Variants in EBF3 observed in about 807,000 individuals in gnomAD.
The protein encoded by EBF3 is EBF transcription factor 3, also known as transcription factor COE3.
Under a neutral mutation model 77.1 loss-of-function variants are expected in EBF3, and 18 were observed. The observed-to-expected ratio is 0.23, with a 90% CI of 0.16 to 0.35. The LOEUF (loss-of-function observed/expected upper bound fraction) is 0.35, where lower values mean the gene tolerates loss of function less well. EBF3 is among the 10% of genes least tolerant of loss of function. The probability of loss-of-function intolerance (pLI) is 1.00; values close to 1 mark genes in which losing one functional copy is unlikely to be tolerated. For synonymous variants in EBF3, 350 were observed against 343.5 expected (o/e 1.02, Z -0.21); for missense variants, 558 against 860.0 (o/e 0.65, Z 4.39).
At position 129,897,485 on chromosome 10, in the gene EBF3, A is replaced by AG. The variant is rs1171242005; in HGVS notation, c.555-19637dup. ...CTGCAGACTGGCTCCCCCTAAATCA[A>AG]GGGGGGCCAGGCAGACCTAACAAAC... On this transcript the variant is annotated intron_variant, in intron 6 of 16. Coordinates refer to ENST00000440978, the MANE Select transcript of EBF3 (RefSeq NM_001375380.1). The surrounding 1 kb of genome is among the most constrained non-coding windows in gnomAD (Gnocchi z 4.6). 6.6e-6 allele frequency among the ~76,000 whole-genome samples: 1 copy of AG among 152,040 alleles called. No homozygotes were observed. Among genetic ancestry groups the AG allele is most frequent in the African/African-American group, 2.4e-5 (1 of 41,420 alleles).
Position 129,944,145 on chromosome 10 carries a change from T to C in EBF3, c.554+13113A>G, listed in dbSNP as rs1376912488. On this transcript the variant is annotated intron_variant, in intron 6 of 16. Coordinates refer to ENST00000440978, the MANE Select transcript of EBF3 (RefSeq NM_001375380.1). The surrounding 1 kb of genome is among the most constrained non-coding windows in gnomAD (Gnocchi z 5.1). The stretch of plus-strand genomic sequence containing the variant: ...AATCCTAAATAAAATGAGAATTTTA[T>C]TAAAGATATTTATCTTATACAACAA... Among the ~76,000 whole-genome samples the C allele has an allele frequency of 6.6e-6, 1 of 152,248 alleles. No individual in the cohort carries two copies. The highest frequency in any genetic ancestry group is 1.5e-5 in the Non-Finnish European group (1 of 68,040).
chr10:129,945,181 G>A (rs1362249522), intron 6 of EBF3, among the ~76,000 whole-genome samples: 1 of 110,870 alleles, frequency 9.0e-6, no homozygotes, highest in Non-Finnish European at 1.9e-5. Flanking sequence ...GAGTGAAGAG[G>A]AGGGGAGGGA....
rs367548550 is a variant in EBF3, at chr10:129,958,925, G to A, written c.485+9C>T. The stretch of plus-strand genomic sequence containing the variant: ...CCCGCGCCCCCGCCGCCCGCCGCCC[G>A]CCGCTCACCTGCACATGATCTCGTG... On this transcript the variant is annotated intron_variant, in intron 5 of 16. Transcript: ENST00000440978. 176 of 1,585,066 alleles carry A rather than the reference G, an allele frequency of 1.1e-4. No homozygotes were observed. Among genetic ancestry groups the A allele is most frequent in the Non-Finnish European group, 1.4e-4 (163 of 1,168,328 alleles).
At position 129,836,408 on chromosome 10, in the gene EBF3, TAAG is replaced by T. The variant is rs1374817805; in HGVS notation, c.*1532_*1534del. On this transcript the variant is annotated 3_prime_UTR_variant, in exon 17 of 17. Coordinates refer to ENST00000440978, the MANE Select transcript of EBF3 (RefSeq NM_001375380.1). The stretch of plus-strand genomic sequence containing the variant: ...CATTCTACAAAAAAATAAAATAAAA[TAAG>T]GACACAGCCCCAAACGGTGTCACCT... 3 of 152,094 alleles carry T rather than the reference TAAG, an allele frequency of 2.0e-5. No homozygotes were observed. The highest frequency in any genetic ancestry group is 7.2e-5 in the African/African-American group (3 of 41,380). 9.4% of individuals were successfully genotyped at this position (152,094 alleles called of 1,614,324 possible).
rs1857491114 is a variant in EBF3, at chr10:129,938,217, C to G, written c.554+19041G>C. On this transcript the variant is annotated intron_variant, in intron 6 of 16. Transcript: ENST00000440978. The surrounding 1 kb of genome is among the most constrained non-coding windows in gnomAD (Gnocchi z 5.1). ...CCTCTGGTACACAGACTGCTCTGTT[C>G]TAGAACGGAAATTAGTGGGTTTTTT... is the stretch of plus-strand genomic sequence containing the variant. 6.6e-6 allele frequency among the ~76,000 whole-genome samples: 1 copy of G among 151,960 alleles called. No individual in the cohort carries two copies. The highest frequency in any genetic ancestry group is 1.5e-5 in the Non-Finnish European group (1 of 68,006).
At chr10:129,855,116 C>T (rs766935446) in intron 10 of EBF3, among the ~76,000 whole-genome samples, 6 of 152,228 alleles carry the variant, frequency 3.9e-5, no homozygotes, top group African/African-American at 1.4e-4. Context: ...CCCCCCAACC[C>T]GCTCACTGCA....
rs192623721 is a variant in EBF3, at chr10:129,943,055, T to C, written c.554+14203A>G. ...GAAGGTAGCAGATACAACCGATTCC[T>C]GTCCTCCATTCTAAACCACTTTGCC... On this transcript the variant is annotated intron_variant, in intron 6 of 16. Transcript: ENST00000440978. The surrounding 1 kb of genome is among the most constrained non-coding windows in gnomAD (Gnocchi z 8.8). Among the ~76,000 whole-genome samples, 151 of 152,344 alleles carry C rather than the reference T, an allele frequency of 9.9e-4. No homozygotes were observed. The highest frequency in any genetic ancestry group is 3.4e-3 in the Middle Eastern group (1 of 294).
intron 6 of EBF3, among the ~76,000 whole-genome samples, chr10:129,925,649 T>C (rs1856619331): frequency 6.6e-6 from 1 of 150,754 alleles, no homozygotes; most frequent in Non-Finnish European, 1.5e-5. Context: ...TTACACAACA[T>C]TCTGAATGTA....
intron 4 of EBF3, among the ~76,000 whole-genome samples, chr10:129,959,261 AGGGAAGGCGCCGACTGGGCTC>A (rs1206514682): frequency 6.6e-6 from 1 of 151,986 alleles, no homozygotes; most frequent in African/African-American, 2.4e-5. Flanking sequence ...CTTCGGCTGC[AGGGAAGGCGCCGACTGGGCTC>A]GGGCCGCGGG....
intron 15 of EBF3, among the ~76,000 whole-genome samples, chr10:129,839,786 T>C (rs1334251817): frequency 1.3e-5 from 2 of 152,212 alleles, no homozygotes; most frequent in Non-Finnish European, 2.9e-5. Context: ...GCCATTCCCA[T>C]GCCAGGGCTA....
Position 129,963,891 on chromosome 10 carries a change from C to T in EBF3, c.-123G>A. 2 of 1,171,096 alleles carry T rather than the reference C, an allele frequency of 1.7e-6. No homozygotes were observed. Among genetic ancestry groups the T allele is most frequent in the Non-Finnish European group, 1.1e-6 (1 of 949,400 alleles). 72.5% of individuals were successfully genotyped at this position (1,171,096 alleles called of 1,614,324 possible). A position where few individuals can be genotyped will look rare whatever the true frequency, so the allele number is the denominator to read the frequency against. On this transcript the variant is annotated 5_prime_UTR_variant, in exon 1 of 17. Transcript: ENST00000440978. This position sits in a 1 kb window ranked among gnomAD's most constrained non-coding sequence, Gnocchi z 7.1. ...GCCCTGCTCGGCGCCTGCGGTCCGG[C>T]CCCGCCGCCGGCTTCAGCCCGTCCC...
intron 8 of EBF3, among the ~76,000 whole-genome samples, chr10:129,868,517 C>T (rs1480470499): frequency 6.6e-6 from 1 of 152,208 alleles, no homozygotes; most frequent in Non-Finnish European, 1.5e-5. Flanking sequence ...GCGCCGCTGG[C>T]GTGACCTCTC....
At chr10:129,962,358 G>C in intron 3 of EBF3, 132 bp from the exon 4 acceptor site, 1 of 734,852 alleles carries the variant, frequency 1.4e-6, no homozygotes, top group Non-Finnish European at 2.3e-6. Context: ...CAATCCCTTT[G>C]AAAGGGAGAA....
chr10:129,909,112 C>T (rs1855341702), intron 6 of EBF3, among the ~76,000 whole-genome samples: 1 of 152,184 alleles, frequency 6.6e-6, no homozygotes, highest in African/African-American at 2.4e-5. Flanking sequence ...ACTGGGATTA[C>T]TCTTCCCAGA....
At chr10:129,962,132 C>CA (rs1254165464) in intron 4 of EBF3, 39 bp downstream of exon 4, 1 of 1,611,036 alleles carries the variant, frequency 6.2e-7, no homozygotes, top group African/African-American at 1.3e-5. Context: ...AACCCAGGCC[C>CA]AGCAGTGAAA....
chr10:129,909,205 G>A (rs996629699), intron 6 of EBF3, among the ~76,000 whole-genome samples: 1 of 152,182 alleles, frequency 6.6e-6, no homozygotes, highest in African/African-American at 2.4e-5. Context: ...GGCTGCCCTG[G>A]ATGGAAGAGG....
At chr10:129,883,281 G>A (rs571919067) in intron 6 of EBF3, among the ~76,000 whole-genome samples, 1 of 152,326 alleles carries the variant, frequency 6.6e-6, no homozygotes, top group East Asian at 1.9e-4. Context: ...CCCCCACGCA[G>A]GGTTAAGTGG....
intron 6 of EBF3, among the ~76,000 whole-genome samples, chr10:129,949,762 G>C (rs1858516763): frequency 6.6e-6 from 1 of 152,108 alleles, no homozygotes; most frequent in African/African-American, 2.4e-5. Flanking sequence ...TGAAAACTTA[G>C]AGAAAGCGGG....
At chr10:129,904,908 T>TG (rs149167082) in intron 6 of EBF3, among the ~76,000 whole-genome samples, 2,170 of 152,354 alleles carry the variant, frequency 0.014, 50 homozygotes, top group African/African-American at 0.046. Context: ...CAAATTTTCA[T>TG]GGAGTAGGAA....
Sources: gnomAD v4.1 joint callset for allele counts (sites outside exome capture counted in the v4.1 genomes callset) on GRCh38, gnomAD v4.1.1 for gene constraint, Gnocchi (gnomAD v3.1) non-coding constraint, MANE v1.5 for transcripts, NCBI Gene and HGNC (gene_info 2026-07-23, HGNC 2026-07-21) for gene names.